Variants in C2orf76 observed in about 807,000 individuals in gnomAD.
C2orf76 encodes the protein chromosome 2 open reading frame 76.
In C2orf76, 23 loss-of-function variants were observed where a neutral mutation model predicts 16.9. The observed-to-expected ratio is 1.36, with a 90% confidence interval of 0.98 to 1.93. The LOEUF (loss-of-function observed/expected upper bound fraction) is 1.93. Among genes scored for constraint, C2orf76 ranks in the 30% most tolerant of loss-of-function variants. The pLI is 0.00. For missense variants in C2orf76, 152 were observed against 152.6 expected (o/e 1.00, Z 0.02); for synonymous variants, 48 against 52.3 (o/e 0.92, Z 0.35).
chr2:119,332,657 T>A (rs962460850), intron 2 of C2orf76, among the ~76,000 whole-genome samples: 3 of 152,182 alleles, frequency 2.0e-5, no homozygotes, highest in African/African-American at 4.8e-5. Flanking sequence ...CCACCTGCCA[T>A]CCCTAGGTTA....
intron 1 of C2orf76, among the ~76,000 whole-genome samples, chr2:119,340,755 TACACACACACACACACACACACACAC>T (rs60777590): frequency 6.4e-5 from 9 of 140,284 alleles, no homozygotes; most frequent in Non-Finnish European, 1.1e-4. Flanking sequence ...TGCTTTCTAA[TACACACACACACACACACACACACAC>T]ACACACACAC....
the C2orf76 span, among the ~76,000 whole-genome samples, chr2:119,294,069 G>A: frequency 6.6e-6 from 1 of 152,114 alleles, no homozygotes; most frequent in Non-Finnish European, 1.5e-5. Flanking sequence ...GTCATCTAGG[G>A]AGAAGATATA....
chr2:119,346,074 A>G (rs1680192242), intron 1 of C2orf76, among the ~76,000 whole-genome samples: 1 of 151,572 alleles, frequency 6.6e-6, no homozygotes, highest in Non-Finnish European at 1.5e-5. Context: ...AAAAAAAAAA[A>G]AAGAATAAAA....
the C2orf76 span, among the ~76,000 whole-genome samples, chr2:119,286,003 G>A: frequency 1.3e-3 from 191 of 152,066 alleles, 1 homozygote; most frequent in East Asian, 0.01. Flanking sequence ...CAAGGCGGGC[G>A]GATCACGAGG....
intron 1 of C2orf76, among the ~76,000 whole-genome samples, chr2:119,353,018 G>A (rs958199191): frequency 2.0e-5 from 3 of 152,132 alleles, no homozygotes; most frequent in African/African-American, 4.8e-5. Flanking sequence ...ATTGGCAAAG[G>A]TGAGCAGATA....
chr2:119,355,553 G>A (rs189170495), intron 1 of C2orf76, among the ~76,000 whole-genome samples: 1 of 152,246 alleles, frequency 6.6e-6, no homozygotes, highest in Admixed American at 6.5e-5. Flanking sequence ...TACTCTGATT[G>A]CCCCTGTGGG....
the C2orf76 span, among the ~76,000 whole-genome samples, chr2:119,282,560 G>C: frequency 6.6e-6 from 1 of 152,162 alleles, no homozygotes; most frequent in Admixed American, 6.6e-5. Context: ...TGGCATCTTG[G>C]TGCCTCCAAG....
chr2:119,327,940 G>A (rs929854712), intron 2 of C2orf76, among the ~76,000 whole-genome samples: 7 of 152,150 alleles, frequency 4.6e-5, no homozygotes, highest in East Asian at 1.9e-4. Context: ...TTGGCTGGTA[G>A]CTTTATTTTC....
intron 4 of C2orf76, among the ~76,000 whole-genome samples, chr2:119,313,026 C>CAA (rs536874855): frequency 2.1e-4 from 20 of 93,622 alleles, no homozygotes; most frequent in African/African-American, 6.3e-4. Context: ...AGACTCCATT[C>CAA]AAAAAAAAAA....
the C2orf76 span, among the ~76,000 whole-genome samples, chr2:119,287,234 G>A: frequency 6.6e-6 from 1 of 152,196 alleles, no homozygotes; most frequent in Admixed American, 6.5e-5. Context: ...GCTCAGTCTC[G>A]CTTCTGATGG....
the C2orf76 span, among the ~76,000 whole-genome samples, chr2:119,282,011 T>C: frequency 2.0e-5 from 3 of 152,008 alleles, no homozygotes; most frequent in African/African-American, 7.3e-5. Context: ...CCAGGTGTGG[T>C]GGTGGACGCC....
At chr2:119,337,023 T>C (rs1023344925) in intron 2 of C2orf76, among the ~76,000 whole-genome samples, 2 of 151,974 alleles carry the variant, frequency 1.3e-5, no homozygotes, top group South Asian at 2.1e-4. Flanking sequence ...TTATTACCCA[T>C]GCAACATCAG....
the C2orf76 span, among the ~76,000 whole-genome samples, chr2:119,288,608 G>C: frequency 2.0e-5 from 3 of 152,056 alleles, no homozygotes; most frequent in Admixed American, 6.6e-5. Flanking sequence ...GAGGACAAGA[G>C]AGTTGATCCA....
intron 2 of C2orf76, among the ~76,000 whole-genome samples, chr2:119,335,227 A>G (rs530857415): frequency 1.1e-4 from 17 of 152,364 alleles, no homozygotes; most frequent in Admixed American, 7.2e-4. Context: ...GACAGTTTAA[A>G]ATAACACTCC....
Position 119,306,333 on chromosome 2 carries a change from C to T in C2orf76, c.305-3785G>A, listed in dbSNP as rs75963540. ...GTACAGACAAGATCACCCAAAGGGG[C>T]GAGGCGTGAACGACAGGGTTCCAGT... On this transcript the variant is annotated intron_variant, in intron 5 of 5. Transcript: ENST00000334816. 4.8e-3 allele frequency among the ~76,000 whole-genome samples: 737 copies of T among 152,224 alleles called. 10 individuals carry two copies. Among genetic ancestry groups the T allele is most frequent in the African/African-American group, 0.017 (711 of 41,534 alleles).
At chr2:119,335,895 T>A (rs965802048) in intron 2 of C2orf76, among the ~76,000 whole-genome samples, 3 of 152,212 alleles carry the variant, frequency 2.0e-5, no homozygotes, top group Admixed American at 6.5e-5. Context: ...TCCACAGTGT[T>A]CTTTTTCATA....
intron 1 of C2orf76, among the ~76,000 whole-genome samples, chr2:119,353,462 A>AGAAC (rs1467368005): frequency 6.6e-6 from 1 of 152,202 alleles, no homozygotes; most frequent in Admixed American, 6.5e-5. Flanking sequence ...TCTTGGATGG[A>AGAAC]GAACGAAATT....
At chr2:119,366,957 C>T, upstream of C2orf76, 4 of 1,524,898 alleles carry the variant, frequency 2.6e-6, no homozygotes, top group Admixed American at 5.2e-5. Flanking sequence ...GAGTGGACCG[C>T]GCCTCTAAAG....
intron 2 of C2orf76, among the ~76,000 whole-genome samples, chr2:119,335,391 G>C (rs1484169425): frequency 3.9e-5 from 6 of 152,176 alleles, no homozygotes; most frequent in South Asian, 2.1e-4. Flanking sequence ...TCTAAGAACA[G>C]GGCATGTACA....
Sources: allele counts gnomAD v4.1 joint callset (sites outside exome capture counted in the v4.1 genomes callset), GRCh38; gene constraint gnomAD v4.1.1; transcripts MANE v1.5; gene names NCBI Gene and HGNC (gene_info 2026-07-23, HGNC 2026-07-21).